Variants in ULK1 observed in about 807,000 individuals in gnomAD.
The protein encoded by ULK1 is serine/threonine-protein kinase ULK1.
Under a neutral mutation model 117.5 loss-of-function variants are expected in ULK1, and 48 were observed. The observed-to-expected ratio is 0.41, with a 90% CI of 0.32 to 0.52. The LOEUF is 0.52. Among genes scored for constraint, ULK1 ranks in the 20% least tolerant of loss-of-function variants. The pLI, the probability that ULK1 is intolerant of heterozygous loss-of-function variation, is 0.29. For synonymous variants in ULK1, 790 were observed against 637.8 expected (o/e 1.24, Z -3.60); for missense variants, 1,387 against 1,473.4 (o/e 0.94, Z 0.96).
Position 131,907,513 on chromosome 12 carries a change from C to T in ULK1, c.298C>T (p.Leu100=), listed in dbSNP as rs2136388965. ...LVMEYCNGGD[L]ADYLHAMRTL... ...CTTGCAGTACTGCAACGGTGGGGAC[C>T]TGGCCGACTACCTGCACGGTGAGTG... The change falls in exon 5 of 28, where the codon CTG becomes TTG. Residue 100 remains leucine (L), a synonymous_variant. Transcript: ENST00000321867. The T allele has an allele frequency of 6.2e-7, 1 of 1,612,542 alleles. No individual in the cohort carries two copies. The highest frequency in any genetic ancestry group is 1.1e-5 in the South Asian group (1 of 90,980).
At chr12:131,918,743 T>C (rs1889979700) in intron 23 of ULK1, 62 bp downstream of exon 23, 1 of 1,445,818 alleles carries the variant, frequency 6.9e-7, no homozygotes, top group Non-Finnish European at 9.2e-7. Flanking sequence ...GTGTGTGGGG[T>C]GTCGGGTGTG....
rs371635061 is a variant in ULK1 at position 131,916,943 on chromosome 12, A to C, written c.2073-10A>C. On this transcript the variant is annotated splice_polypyrimidine_tract_variant and intron_variant, in intron 20 of 27. Transcript: ENST00000321867. ...CCGGGCACCCAGCACAGCCCTGCAC[A>C]CTCCCACAGGTCTTTCAGCACCAGC... 6.2e-7 allele frequency: 1 copy of C among 1,607,008 alleles called. No individual in the cohort carries two copies. Among genetic ancestry groups the C allele is most frequent in the Non-Finnish European group, 8.5e-7 (1 of 1,177,036 alleles).
chr12:131,920,920 C>CT (rs1412142697), intron 26 of ULK1, 180 bp from the exon 27 acceptor site: 1 of 845,326 alleles, frequency 1.2e-6, no homozygotes, highest in Non-Finnish European at 1.8e-6. Context: ...CAGGCAGTGT[C>CT]TCCCCTTGGC....
chr12:131,917,144 G>GC, intron 21 of ULK1, 82 bp downstream of exon 21: 1 of 444,086 alleles, frequency 2.3e-6, no homozygotes, highest in Non-Finnish European at 2.8e-6. Flanking sequence ...TGGGATGGGG[G>GC]TCGGAGGCTG....
intron 5 of ULK1, 72 bp downstream of exon 5, chr12:131,907,603 C>T (rs983369049): frequency 1.7e-5 from 27 of 1,549,382 alleles, no homozygotes; most frequent in Non-Finnish European, 4.4e-6. Flanking sequence ...CACACTGGCC[C>T]AGTCTGGGAG....
rs202132941 is a variant in ULK1, at chr12:131,915,987, A to G, written c.1706A>G (p.Lys569Arg). 1.2e-5 allele frequency: 19 copies of G among 1,612,304 alleles called. No homozygotes were observed. Among genetic ancestry groups the G allele is most frequent in the Non-Finnish European group, 1.5e-5 (18 of 1,179,776 alleles). The change falls in exon 19 of 28, where the codon AAG (lysine) becomes AGG (arginine). Residue 569 changes from lysine (K) to arginine (R), a missense_variant. By Grantham distance (26) the Lys-to-Arg change is conservative. Around this residue, in one of 4 missense-constraint regions of ULK1, gnomAD observed 900 missense variants for 858.9 expected, o/e 1.05. Coordinates refer to ENST00000321867, the MANE Select transcript of ULK1 (RefSeq NM_003565.4). ...NLSDLHVVRP[K>R]LPKPPTDPLG... is the part of the protein sequence containing the mutation. ...TCTGACTTGCACGTCGTCCGCCCCA[A>G]GCTGCCCAAACCCCCCACGGACCCC...
At chr12:131,907,930 G>C (rs574200827) in intron 5 of ULK1, among the ~76,000 whole-genome samples, 11 of 151,722 alleles carry the variant, frequency 7.3e-5, no homozygotes, top group Admixed American at 5.2e-4. Context: ...AGGACAGCAG[G>C]GGGGCGGCCG....
chr12:131,919,842 CCCT>C (rs1302579409), intron 25 of ULK1, 134 bp from the exon 26 acceptor site: 28 of 1,335,550 alleles, frequency 2.1e-5, no homozygotes, highest in Middle Eastern at 2.6e-4. Context: ...CCTGGCCACA[CCCT>C]CAAGGCCACG....
Position 131,900,895 on chromosome 12 carries a change from G to C in ULK1, c.246+5071G>C, listed in dbSNP as rs184387379. ...CTGCCAGGCCTGGCCTGGTCTGGCC[G>C]GGGGGCTGTCTGCAGTGTGAGTTGG... On this transcript the variant is annotated intron_variant, in intron 3 of 27. Coordinates refer to ENST00000321867, the MANE Select transcript of ULK1 (RefSeq NM_003565.4). Among the ~76,000 whole-genome samples the C allele has an allele frequency of 2.9e-3, 449 of 152,272 alleles. 2 individuals carry two copies. The highest frequency in any genetic ancestry group is 1.0e-2 in the African/African-American group (415 of 41,556).
chr12:131,905,486 G>A (rs528912243), intron 3 of ULK1, among the ~76,000 whole-genome samples: 2 of 152,174 alleles, frequency 1.3e-5, no homozygotes, highest in African/African-American at 2.4e-5. Context: ...GCCTGGGCTC[G>A]CTCAGGGGTA....
intron 1 of ULK1, among the ~76,000 whole-genome samples, chr12:131,895,370 G>A (rs550583486): frequency 6.7e-6 from 1 of 148,504 alleles, no homozygotes; most frequent in South Asian, 2.2e-4. Context: ...CGACTTTCCT[G>A]TCCAAACCCT....
chr12:131,912,724 G>A (rs868217190), intron 13 of ULK1, among the ~76,000 whole-genome samples: 1 of 152,250 alleles, frequency 6.6e-6, no homozygotes, highest in African/African-American at 2.4e-5. Flanking sequence ...CCAAGCCCCA[G>A]ACAGACCCGG....
At chr12:131,916,342 G>C in intron 19 of ULK1, 56 bp from the exon 20 acceptor site, 1 of 1,524,154 alleles carries the variant, frequency 6.6e-7, no homozygotes, top group Non-Finnish European at 8.8e-7. Flanking sequence ...CCCAGGCACC[G>C]GGCCCCAGGG....
At chr12:131,910,113 T>G in intron 10 of ULK1, 112 bp downstream of exon 10, 1 of 1,562,962 alleles carries the variant, frequency 6.4e-7, no homozygotes, top group South Asian at 1.1e-5. Flanking sequence ...CACTGCCCTT[T>G]CCACAAGCCA....
At position 131,909,974 on chromosome 12, in the gene ULK1, C is replaced by G. The variant is rs962631872; in HGVS notation, c.781C>G (p.Arg261Gly). ...LRQLLLALLQ[R>G]NHKDRMDFDE... ...GCAGCTGCTCCTGGCCCTACTGCAA[C>G]GCAACCACAAGGACCGCATGGACTT... is the stretch of plus-strand genomic sequence containing the variant. The change falls in exon 10 of 28, where the codon CGC becomes GGC. Residue 261 changes from arginine to glycine, a missense_variant. By Grantham distance (125) the Arg-to-Gly change is moderately radical. This residue lies in a region of ULK1 where 260 missense variants were observed against 271.6 expected (regional missense o/e 0.96). Transcript: ENST00000321867. 8 of 1,612,004 alleles carry G rather than the reference C, an allele frequency of 5.0e-6. No homozygotes were observed. Among genetic ancestry groups the G allele is most frequent in the Non-Finnish European group, 6.8e-6 (8 of 1,179,848 alleles).
At chr12:131,907,995 G>C (rs995457604) in intron 5 of ULK1, among the ~76,000 whole-genome samples, 1 of 151,098 alleles carries the variant, frequency 6.6e-6, no homozygotes, top group African/African-American at 2.4e-5. Flanking sequence ...GTGCCGGCGG[G>C]CGCGGGGGTG....
Position 131,902,498 on chromosome 12 carries a change from G to T in ULK1, c.247-4394G>T, listed in dbSNP as rs1889127700. On this transcript the variant is annotated intron_variant, in intron 3 of 27. Coordinates refer to ENST00000321867, the MANE Select transcript of ULK1 (RefSeq NM_003565.4). The surrounding 1 kb of genome is among the most constrained non-coding windows in gnomAD (Gnocchi z 6.3). The stretch of plus-strand genomic sequence containing the variant: ...CAGGGTGTGGGGGCCGGCCTGCCTG[G>T]GGAGTGCTGTCCCAGGTCCCTCAGG... 6.6e-6 allele frequency among the ~76,000 whole-genome samples: 1 copy of T among 152,194 alleles called. No individual in the cohort carries two copies. The highest frequency in any genetic ancestry group is 1.5e-5 in the Non-Finnish European group (1 of 68,028).
chr12:131,898,427 T>C (rs1440045817), intron 3 of ULK1, among the ~76,000 whole-genome samples: 1 of 152,174 alleles, frequency 6.6e-6, no homozygotes, highest in Admixed American at 6.5e-5. Flanking sequence ...CCTAGGTCCT[T>C]GCCAGGAGGG....
chr12:131,913,713 A>G, intron 14 of ULK1, 34 bp from the exon 15 acceptor site: 1 of 1,452,282 alleles, frequency 6.9e-7, no homozygotes, highest in Non-Finnish European at 9.1e-7. Context: ...AAAAAAAACA[A>G]AAAAATGCCC....
Sources: allele counts gnomAD v4.1 joint callset (sites outside exome capture counted in the v4.1 genomes callset), GRCh38; gene constraint gnomAD v4.1.1; regional missense constraint gnomAD v4.1.1; non-coding constraint Gnocchi (gnomAD v3.1); transcripts MANE v1.5; gene names NCBI Gene and HGNC (gene_info 2026-07-23, HGNC 2026-07-21).